The following AMZ1 variants were observed in gnomAD, a reference collection of about 807,000 sequenced individuals.
The protein encoded by AMZ1 is archaemetzincin-1.
AMZ1 carries 39 observed loss-of-function variants against 29.9 expected under a neutral mutation model. The observed-to-expected ratio is 1.30, with a 90% confidence interval of 1.01 to 1.70. The LOEUF is 1.70. Among genes scored for constraint, AMZ1 ranks in the 40% most tolerant of loss-of-function variants. The pLI is 0.00. For synonymous variants in AMZ1, 458 were observed against 304.0 expected (o/e 1.51, Z -5.27); for missense variants, 1,041 against 680.6 (o/e 1.53, Z -5.89).
intron 4 of AMZ1, among the ~76,000 whole-genome samples, chr7:2,756,634 T>C (rs74485260): frequency 0.026 from 3,621 of 138,542 alleles, 101 homozygotes; most frequent in Middle Eastern, 0.087. Flanking sequence ...AACAAAAACA[T>C]AGGAGAGGAT....
Position 2,731,175 on chromosome 7 carries a change from C to T in AMZ1, n.550+21359C>T. 6.3e-7 allele frequency: 1 copy of T among 1,596,514 alleles called. No individual in the cohort carries two copies. Among genetic ancestry groups the T allele is most frequent in the Non-Finnish European group, 8.6e-7 (1 of 1,168,424 alleles). ...TCAACGACGACAAACCCCGGGGCTT[C>T]CTCGCTCACTGCAGCATGATGTCCT... On this transcript the variant is annotated intron_variant and non_coding_transcript_variant, in intron 4 of 4. Coordinates refer to the AMZ1 transcript ENST00000489665. This position sits in a 1 kb window ranked among gnomAD's most constrained non-coding sequence, Gnocchi z 6.0.
At chr7:2,723,542 T>G (rs115958979), downstream of AMZ1, among the ~76,000 whole-genome samples, 309 of 152,318 alleles carry the variant, frequency 2.0e-3, 1 homozygote, top group African/African-American at 7.2e-3. Flanking sequence ...GGGAGATCCC[T>G]TGGGAGCCAG....
intron 1 of AMZ1, among the ~76,000 whole-genome samples, chr7:2,690,836 T>C (rs908386126): frequency 3.9e-5 from 6 of 152,040 alleles, no homozygotes; most frequent in Non-Finnish European, 8.8e-5. Context: ...TTGTGAACTT[T>C]TGGTAAAAAG....
At chr7:2,692,249 G>C (rs528978363) in intron 1 of AMZ1, among the ~76,000 whole-genome samples, 9 of 152,204 alleles carry the variant, frequency 5.9e-5, no homozygotes, top group Non-Finnish European at 1.3e-4. Context: ...GTTGAAAGAG[G>C]ACCGAGCTTG....
intron 4 of AMZ1, among the ~76,000 whole-genome samples, chr7:2,734,077 T>C (rs1161188096): frequency 6.6e-6 from 1 of 152,246 alleles, no homozygotes. Context: ...TGGATTGTTG[T>C]GGTGGAATGA....
chr7:2,702,873 G>C lies in AMZ1; in HGVS notation c.456G>C (p.Arg152Ser). The change falls in exon 3 of 7, where the codon AGG becomes AGC. Residue 152 changes from arginine to serine, a missense_variant. Arg to Ser is a moderately radical substitution (Grantham distance 110). Transcript: ENST00000683327. ...CGCGGCCCAGCCGGGACTCTGACAG[G>C]CTCCAGCTCCACACAGGTGAGTGAG... ...CSSRPSRDSDRLQLHTDGILS... is the reference protein window; with the variant it reads ...CSSRPSRDSDSLQLHTDGILS... 1 of 1,587,294 alleles carries C rather than the reference G, an allele frequency of 6.3e-7. No individual in the cohort carries two copies. Among genetic ancestry groups the C allele is most frequent in the Non-Finnish European group, 8.5e-7 (1 of 1,173,146 alleles).
intron 1 of AMZ1, among the ~76,000 whole-genome samples, chr7:2,693,093 G>A (rs1371929688): frequency 6.6e-6 from 1 of 151,852 alleles, no homozygotes; most frequent in Non-Finnish European, 1.5e-5. Context: ...CTCTGTAGGG[G>A]GGTGTTTGTT....
chr7:2,755,735 G>A (rs1205913864), intron 4 of AMZ1, among the ~76,000 whole-genome samples: 1 of 151,956 alleles, frequency 6.6e-6, no homozygotes, highest in Non-Finnish European at 1.5e-5. Context: ...TCCTTTTCTT[G>A]CCTTACTGCA....
chr7:2,748,880 C>T (rs1434359634), intron 4 of AMZ1, among the ~76,000 whole-genome samples: 3 of 152,226 alleles, frequency 2.0e-5, no homozygotes, highest in African/African-American at 7.2e-5. Context: ...CAAAAAAAGA[C>T]ATTTATGCAG....
At chr7:2,705,900 C>T (rs993852082) in intron 3 of AMZ1, among the ~76,000 whole-genome samples, 1 of 152,258 alleles carries the variant, frequency 6.6e-6, no homozygotes, top group Admixed American at 6.5e-5. Context: ...CTCCTCACCT[C>T]CCCCACGCCG....
downstream of AMZ1, among the ~76,000 whole-genome samples, chr7:2,722,960 C>T (rs905407540): frequency 1.3e-5 from 2 of 151,794 alleles, no homozygotes; most frequent in Non-Finnish European, 2.9e-5. Context: ...GCCTGGGCCA[C>T]AGAGCAAGAC....
chr7:2,735,985 T>C (rs139457896), intron 4 of AMZ1, among the ~76,000 whole-genome samples: 32 of 152,272 alleles, frequency 2.1e-4, no homozygotes, highest in Middle Eastern at 3.4e-3. Context: ...TTTGGTGCAC[T>C]GCGGTTCACC....
At chr7:2,737,277 T>TTA (rs1355722823) in intron 4 of AMZ1, among the ~76,000 whole-genome samples, 1 of 67,616 alleles carries the variant, frequency 1.5e-5, no homozygotes, top group Non-Finnish European at 3.0e-5. Flanking sequence ...TTGTTTTGTT[T>TTA]TTTTTTTTTT....
chr7:2,699,531 G>A lies in AMZ1; in HGVS notation c.-218-703G>A, dbSNP rs1384274719. ...CGTGCTGTTGGGGCTGCGTACCCCCGCCCCCCCCCAAACATATGCTTGCTG... is the reference window on the plus strand; with the variant it reads ...CGTGCTGTTGGGGCTGCGTACCCCCACCCCCCCCCAAACATATGCTTGCTG... On this transcript the variant is annotated intron_variant, in intron 1 of 6. Transcript: ENST00000683327. 2.9e-4 allele frequency among the ~76,000 whole-genome samples: 44 copies of A among 150,332 alleles called. No individual in the cohort carries two copies. The South Asian group carries it at 4.3e-3, about 15-fold the overall frequency.
chr7:2,727,808 G>C (rs533822620), intron 4 of AMZ1, among the ~76,000 whole-genome samples: 1 of 152,196 alleles, frequency 6.6e-6, no homozygotes, highest in Non-Finnish European at 1.5e-5. Flanking sequence ...AGCACTGTGG[G>C]AGGCTGTGGG....
intron 4 of AMZ1, among the ~76,000 whole-genome samples, chr7:2,734,992 C>T (rs1376687920): frequency 6.6e-6 from 1 of 152,212 alleles, no homozygotes; most frequent in Non-Finnish European, 1.5e-5. Context: ...GGGAAGCCAG[C>T]GTGAGGCCGG....
chr7:2,711,051 G>A (rs974470168), intron 6 of AMZ1, among the ~76,000 whole-genome samples: 18 of 152,338 alleles, frequency 1.2e-4, no homozygotes, highest in Admixed American at 2.6e-4. Context: ...CTCCCTACAC[G>A]TGCTGACCTG....
intron 1 of AMZ1, among the ~76,000 whole-genome samples, chr7:2,695,878 CGG>C (rs1554246448): frequency 6.6e-6 from 1 of 151,596 alleles, no homozygotes; most frequent in Non-Finnish European, 1.5e-5. Context: ...GGCGTGGTGG[CGG>C]GCACCTGTAG....
Position 2,712,967 on chromosome 7 carries a change from A to G in AMZ1, c.*89A>G. 7.3e-7 allele frequency: 1 copy of G among 1,367,656 alleles called. No individual in the cohort carries two copies. Among genetic ancestry groups the G allele is most frequent in the Non-Finnish European group, 9.6e-7 (1 of 1,046,524 alleles). 84.7% of individuals were successfully genotyped at this position (1,367,656 alleles called of 1,614,324 possible). On this transcript the variant is annotated 3_prime_UTR_variant, in exon 7 of 7. Coordinates refer to ENST00000683327, the MANE Select transcript of AMZ1 (RefSeq NM_001384743.1). ...AGGCCACTACTGACCTGCCAGGGATAAAGAGGAAGGGTCTGCCTGGGTGGT... is the reference window on the plus strand; with the variant it reads ...AGGCCACTACTGACCTGCCAGGGATGAAGAGGAAGGGTCTGCCTGGGTGGT...
Sources: allele counts gnomAD v4.1 joint callset (sites outside exome capture counted in the v4.1 genomes callset), GRCh38; gene constraint gnomAD v4.1.1; non-coding constraint Gnocchi (gnomAD v3.1); transcripts MANE v1.5; gene names NCBI Gene and HGNC (gene_info 2026-07-23, HGNC 2026-07-21).